Variants in TBC1D10A observed in about 807,000 individuals in gnomAD.
TBC1D10A encodes the protein EBP50-PDX interactor of 64 kDa.
Under a neutral mutation model 52.9 loss-of-function variants are expected in TBC1D10A, and 24 were observed. The observed-to-expected ratio is 0.45, with a 90% CI of 0.33 to 0.64. TBC1D10A has a LOEUF of 0.64. TBC1D10A is among the 30% of genes least tolerant of loss of function. The pLI is 0.02. For missense variants in TBC1D10A, 602 were observed against 687.9 expected, an observed-to-expected ratio of 0.88 and a Z score of 1.40; for synonymous variants, 278 against 282.9, an observed-to-expected ratio of 0.98 and a Z score of 0.17.
chr22:30,308,308 CTGCCTGCA>C lies in TBC1D10A; in HGVS notation c.210-3686_210-3679del, dbSNP rs1239291146. 8.3e-4 allele frequency among the ~76,000 whole-genome samples: 68 copies of C among 81,734 alleles called. 2 individuals carry two copies. The highest frequency in any genetic ancestry group is 7.3e-3 in the East Asian group (25 of 3,434). 53.6% of individuals were successfully genotyped at this position (81,734 alleles called of 152,430 possible). On this transcript the variant is annotated intron_variant, in intron 1 of 8. Transcript: ENST00000215790. ...CATGCCTGCATGCCTGCATGCCTGCCTGCCTGCATGCCTGCATGCCTGCATGCCTGCCT... is the reference window on the plus strand; with the variant it reads ...CATGCCTGCATGCCTGCATGCCTGCCTGCCTGCATGCCTGCATGCCTGCCT...
intron 1 of TBC1D10A, among the ~76,000 whole-genome samples, chr22:30,308,710 G>A (rs778397630): frequency 1.3e-5 from 2 of 152,084 alleles, no homozygotes; most frequent in Non-Finnish European, 2.9e-5. Context: ...AACTTCTTCT[G>A]TGACTCCTAC....
rs141107544 is a variant in TBC1D10A at position 30,314,603 on chromosome 22, A to C, written c.210-9973T>G. On this transcript the variant is annotated intron_variant, in intron 1 of 8. Coordinates refer to ENST00000215790, the MANE Select transcript of TBC1D10A (RefSeq NM_031937.3). ...GGCCAGAGGATTGCTTGAGGCCAGG[A>C]GTTTGAGACCAGCCTGGGCAAGAGA... is the stretch of plus-strand genomic sequence containing the variant. Among the ~76,000 whole-genome samples, 360 of 151,972 alleles carry C rather than the reference A, an allele frequency of 2.4e-3. 1 individual carries two copies. The highest frequency in any genetic ancestry group is 8.1e-3 in the African/African-American group (334 of 41,300).
chr22:30,322,127 G>A (rs1312473883), intron 1 of TBC1D10A, among the ~76,000 whole-genome samples: 1 of 152,006 alleles, frequency 6.6e-6, no homozygotes, highest in Non-Finnish European at 1.5e-5. Context: ...TTATGGGCGT[G>A]AGCCACTACC....
At chr22:30,312,372 T>C (rs1930443310) in intron 1 of TBC1D10A, among the ~76,000 whole-genome samples, 1 of 152,186 alleles carries the variant, frequency 6.6e-6, no homozygotes, top group Admixed American at 6.5e-5. Context: ...CCTCAGACCC[T>C]GTAGCTGGGC....
At position 30,293,911 on chromosome 22, in the gene TBC1D10A, A is replaced by G. The variant is rs776304634; in HGVS notation, c.895+10T>C. 1 of 1,609,542 alleles carries G rather than the reference A, an allele frequency of 6.2e-7. No individual in the cohort carries two copies. Among genetic ancestry groups the G allele is most frequent in the Non-Finnish European group, 8.5e-7 (1 of 1,176,134 alleles). On this transcript the variant is annotated intron_variant, in intron 7 of 8. Coordinates refer to ENST00000215790, the MANE Select transcript of TBC1D10A (RefSeq NM_031937.3). ...GGACAGGGGTGCTCCCCCCAAGCCC[A>G]GCCCAGTACCTTCACAGAAGAACAT...
chr22:30,304,443 C>T lies in TBC1D10A; in HGVS notation c.309+88G>A. 2.5e-6 allele frequency: 4 copies of T among 1,581,000 alleles called. No individual in the cohort carries two copies. The South Asian group carries it at 4.6e-5, about 18-fold the overall frequency. On this transcript the variant is annotated intron_variant, in intron 2 of 8. Coordinates refer to ENST00000215790, the MANE Select transcript of TBC1D10A (RefSeq NM_031937.3). ...CATCTGGCAGTTATAGAAGCCTCTG[C>T]TTTCCTAAGCTGATGAAGTTCCTCC... is the stretch of plus-strand genomic sequence containing the variant.
chr22:30,312,213 C>T (rs567790881), intron 1 of TBC1D10A, among the ~76,000 whole-genome samples: 1 of 151,746 alleles, frequency 6.6e-6, no homozygotes, highest in South Asian at 2.1e-4. Context: ...CTGCAGGCAC[C>T]CAGGGGCCAC....
In TBC1D10A at chr22:30,297,685, G is replaced by A. The variant is rs892494858; in HGVS notation, c.417+1759C>T. 2.0e-5 allele frequency: 3 copies of A among 152,476 alleles called. No homozygotes were observed. The highest frequency in any genetic ancestry group is 3.9e-4 in the East Asian group (2 of 5,174). 9.4% of individuals were successfully genotyped at this position (152,476 alleles called of 1,614,324 possible). A position where few individuals can be genotyped will look rare whatever the true frequency, so the allele number is the denominator to read the frequency against. The stretch of plus-strand genomic sequence containing the variant: ...GAAGGAGGAAGAAATAGCACGTGCA[G>A]GAGAAGGAGCCACCAGCACCTGCAG... On this transcript the variant is annotated intron_variant, in intron 3 of 8. Coordinates refer to ENST00000215790, the MANE Select transcript of TBC1D10A (RefSeq NM_031937.3). This position sits in a 1 kb window ranked among gnomAD's most constrained non-coding sequence, Gnocchi z 4.3.
In TBC1D10A at chr22:30,326,891, G is replaced by T. The variant is rs759890081; in HGVS notation, c.-10C>A. ...CGTTGCTCTTCGCCATCCCAGCCGC[G>T]CCCGCCGCCTGAGCTCCAGCGGCCA... On this transcript the variant is annotated 5_prime_UTR_variant, in exon 1 of 9. Transcript: ENST00000215790. 5 of 1,473,056 alleles carry T rather than the reference G, an allele frequency of 3.4e-6. No homozygotes were observed. In the South Asian group the frequency reaches 3.9e-5, roughly 11 times the overall value. 91.2% of individuals were successfully genotyped at this position (1,473,056 alleles called of 1,614,324 possible). A position where few individuals can be genotyped will look rare whatever the true frequency, so the allele number is the denominator to read the frequency against.
chr22:30,325,768 G>A (rs1158711677), intron 1 of TBC1D10A, among the ~76,000 whole-genome samples: 1 of 152,142 alleles, frequency 6.6e-6, no homozygotes, highest in Non-Finnish European at 1.5e-5. Context: ...ATCGGGGGGT[G>A]CTAATATGAG....
chr22:30,326,737 C>A lies in TBC1D10A; in HGVS notation c.145G>T (p.Gly49Cys). 1 of 1,542,596 alleles carries A rather than the reference C, an allele frequency of 6.5e-7. No homozygotes were observed. The highest frequency in any genetic ancestry group is 8.7e-7 in the Non-Finnish European group (1 of 1,143,214). The change falls in exon 1 of 9, where the codon GGC becomes TGC. Residue 49 changes from glycine (G) to cysteine (C), a missense_variant. Transcript: ENST00000215790. ...SSLGSDSEAN[G>C]FAERRIDKFG... The stretch of plus-strand genomic sequence containing the variant: ...TTGTCGATGCGGCGCTCGGCGAAGC[C>A]GTTGGCCTCCGAGTCAGACCCGAGA...
At chr22:30,308,107 T>G (rs1206784432) in intron 1 of TBC1D10A, among the ~76,000 whole-genome samples, 1 of 152,252 alleles carries the variant, frequency 6.6e-6, no homozygotes, top group Non-Finnish European at 1.5e-5. Context: ...ATTCTCCCCA[T>G]TTTAAAGTAG....
intron 1 of TBC1D10A, among the ~76,000 whole-genome samples, chr22:30,320,700 T>C (rs373732213): frequency 4.2e-4 from 64 of 152,150 alleles, no homozygotes; most frequent in African/African-American, 1.5e-3. Context: ...AGATGGGAAG[T>C]AGAAAATGAA....
At chr22:30,322,044 A>G (rs545670140) in intron 1 of TBC1D10A, among the ~76,000 whole-genome samples, 1 of 145,670 alleles carries the variant, frequency 6.9e-6, no homozygotes, top group Admixed American at 6.9e-5. Flanking sequence ...CAGTGGCATG[A>G]CCTCAACTCA....
At chr22:30,319,773 T>C (rs1487657817) in intron 1 of TBC1D10A, among the ~76,000 whole-genome samples, 1 of 152,124 alleles carries the variant, frequency 6.6e-6, no homozygotes, top group Non-Finnish European at 1.5e-5. Context: ...GGCCCAGGAT[T>C]GCGGCAATAG....
chr22:30,299,493 T>A lies in TBC1D10A; in HGVS notation c.368A>T (p.Tyr123Phe). 6.2e-7 allele frequency: 1 copy of A among 1,614,168 alleles called. No individual in the cohort carries two copies. Among genetic ancestry groups the A allele is most frequent in the Non-Finnish European group, 8.5e-7 (1 of 1,180,010 alleles). Residue 123 changes from tyrosine (Y) to phenylalanine (F), a missense_variant, in exon 3 of 9, where the codon TAC (tyrosine) becomes TTC (phenylalanine). This residue lies in a region of TBC1D10A where 201 missense variants were observed against 204.4 expected (regional missense o/e 0.98). Coordinates refer to ENST00000215790, the MANE Select transcript of TBC1D10A (RefSeq NM_031937.3). Reference sequence around the variant, plus strand: ...TAACTTCACCTTGCCTCCTGACAGGTACTGCCAAGCACGGCCCCGCAGAGA... The same window carrying A: ...TAACTTCACCTTGCCTCCTGACAGGAACTGCCAAGCACGGCCCCGCAGAGA... ...PPSLRGRAWQ[Y>F]LSGGKVKLQQ...
chr22:30,296,593 T>C (rs1256926654), intron 3 of TBC1D10A: 1 of 152,250 alleles, frequency 6.6e-6, no homozygotes, highest in Non-Finnish European at 1.5e-5. Flanking sequence ...AGTTTTACTC[T>C]TTTCTTTGAA....
chr22:30,300,087 G>A (rs1268816159), intron 2 of TBC1D10A, among the ~76,000 whole-genome samples: 1 of 152,092 alleles, frequency 6.6e-6, no homozygotes, highest in African/African-American at 2.4e-5. Context: ...CATCCCTGGT[G>A]ACAACACAGG....
intron 1 of TBC1D10A, among the ~76,000 whole-genome samples, chr22:30,320,589 G>C (rs1026266189): frequency 6.6e-6 from 1 of 152,104 alleles, no homozygotes; most frequent in Non-Finnish European, 1.5e-5. Context: ...CACAGAATGG[G>C]GATAATCACC....
Sources: gnomAD v4.1 joint callset for allele counts (sites outside exome capture counted in the v4.1 genomes callset) on GRCh38, gnomAD v4.1.1 for gene constraint, gnomAD v4.1.1 regional missense constraint, Gnocchi (gnomAD v3.1) non-coding constraint, MANE v1.5 for transcripts, NCBI Gene and HGNC (gene_info 2026-07-23, HGNC 2026-07-21) for gene names.